The following TREM1 variants were observed in gnomAD, a reference collection of about 807,000 sequenced individuals.
TREM1 encodes the protein triggering receptor expressed on monocytes 1.
A neutral mutation model predicts 22.4 loss-of-function variants in TREM1; 16 were observed. The observed-to-expected ratio is 0.71, with a 90% CI of 0.48 to 1.08. The LOEUF is 1.08. Ranked by LOEUF, TREM1 falls within the 50% of genes least tolerant of loss-of-function variation. TREM1 has a pLI of 0.00. For synonymous variants in TREM1, 110 were observed against 111.6 expected (o/e 0.99, Z 0.09); for missense variants, 283 against 282.9 (o/e 1.00, Z 0.00).
chr6:41,272,524 A>G (rs1376799326), downstream of TREM1, among the ~76,000 whole-genome samples: 1 of 152,156 alleles, frequency 6.6e-6, no homozygotes, highest in Non-Finnish European at 1.5e-5. Flanking sequence ...AGTGTGGCAG[A>G]CATACACACC....
intron 3 of TREM1, chr6:41,279,829 A>G: frequency 6.1e-6 from 6 of 985,434 alleles, no homozygotes; most frequent in Non-Finnish European, 7.2e-6. Flanking sequence ...GACCATTGGT[A>G]GATGCTATTT....
chr6:41,270,052 T>C (rs571686991), downstream of TREM1: 1 of 152,260 alleles, frequency 6.6e-6, no homozygotes, highest in South Asian at 2.1e-4. Context: ...CCAGTTTAGG[T>C]CTTTGTTTCT....
chr6:41,282,641 C>T lies in TREM1; in HGVS notation c.160G>A (p.Ala54Thr), dbSNP rs1484279081. The change falls in exon 2 of 4, where the codon GCT becomes ACT. Residue 54 changes from alanine (A) to threonine (T), a missense_variant. By Grantham distance (58) the Ala-to-Thr change is moderately conservative. Coordinates refer to ENST00000244709, the MANE Select transcript of TREM1 (RefSeq NM_018643.5). Reference protein sequence around the residue: ...TLEKFASSQKAWQIIRDGEMP... With the variant: ...TLEKFASSQKTWQIIRDGEMP... ...TCTCCGTCCCTTATTATCTGCCAAG[C>T]TTTCTGGCTGCTGGCAAACTTCTCT... 1.2e-6 allele frequency: 2 copies of T among 1,614,206 alleles called. No homozygotes were observed. Among genetic ancestry groups the T allele is most frequent in the Non-Finnish European group, 1.7e-6 (2 of 1,180,036 alleles).
rs186658901 is a variant in TREM1 at position 41,278,353 on chromosome 6, C to A, written c.600-2123G>T. The stretch of plus-strand genomic sequence containing the variant: ...CGTCTCAGCTCTTCCATCACCTGGG[C>A]AAACAATTCCCTGCATTAAATTCCT... On this transcript the variant is annotated intron_variant, in intron 3 of 3. Coordinates refer to ENST00000244709, the MANE Select transcript of TREM1 (RefSeq NM_018643.5). 3.6e-3 allele frequency among the ~76,000 whole-genome samples: 543 copies of A among 152,080 alleles called. 4 individuals carry two copies. Among genetic ancestry groups the A allele is most frequent in the South Asian group, 0.013 (62 of 4,806 alleles).
At chr6:41,276,704 A>G (rs531856551) in intron 3 of TREM1, among the ~76,000 whole-genome samples, 3 of 152,160 alleles carry the variant, frequency 2.0e-5, no homozygotes, top group South Asian at 2.1e-4. Flanking sequence ...ATCAATAGGT[A>G]TCATAATAAA....
At chr6:41,278,843 G>A (rs947015260) in intron 3 of TREM1, among the ~76,000 whole-genome samples, 3 of 152,100 alleles carry the variant, frequency 2.0e-5, no homozygotes, top group Admixed American at 6.6e-5. Flanking sequence ...AGGCAGGAAC[G>A]TAAGACCAAT....
At position 41,282,684 on chromosome 6, in the gene TREM1, C is replaced by G. The variant is rs1168916284; in HGVS notation, c.117G>C (p.Val39=). 1.9e-6 allele frequency: 3 copies of G among 1,614,166 alleles called. 1 individual carries two copies. The Admixed American group carries it at 5.0e-5, about 27-fold the overall frequency. ...ACTTCTCTAGCGTGTAGTCACATTT[C>G]ACATCCAGGGTCTGCCCCTCTTTCA... ...YELKEGQTLD[V]KCDYTLEKFA... Residue 39 remains valine, a synonymous_variant, in exon 2 of 4, where the codon GTG becomes GTC. Coordinates refer to ENST00000244709, the MANE Select transcript of TREM1 (RefSeq NM_018643.5).
At chr6:41,268,915 G>A (rs1034541432), downstream of TREM1, among the ~76,000 whole-genome samples, 11 of 152,116 alleles carry the variant, frequency 7.2e-5, no homozygotes, top group Admixed American at 6.5e-4. Context: ...CTCAAGAACC[G>A]GGAAGTTATT....
In TREM1 at chr6:41,276,040, C is replaced by T; in HGVS notation, c.*85G>A. On this transcript the variant is annotated 3_prime_UTR_variant, in exon 4 of 4. Transcript: ENST00000244709. Reference sequence around the variant, plus strand: ...TTTAATTCATGTTATTAACTCCCTGCCTTTTACCTCCTCCCTCCTCCCTTG... The same window carrying T: ...TTTAATTCATGTTATTAACTCCCTGTCTTTTACCTCCTCCCTCCTCCCTTG... 2 of 982,628 alleles carry T rather than the reference C, an allele frequency of 2.0e-6. No individual in the cohort carries two copies. The highest frequency in any genetic ancestry group is 3.3e-6 in the Non-Finnish European group (2 of 608,522). 60.9% of individuals were successfully genotyped at this position (982,628 alleles called of 1,614,324 possible). A position where few individuals can be genotyped will look rare whatever the true frequency, so the allele number is the denominator to read the frequency against.
At chr6:41,281,374 A>G in intron 2 of TREM1, 1 of 532,456 alleles carries the variant, frequency 1.9e-6, no homozygotes, top group South Asian at 3.0e-5. Flanking sequence ...CCTGAGTCAG[A>G]AATCGAAAAA....
chr6:41,268,384 A>G (rs367917626), intron 3 of TREM1, among the ~76,000 whole-genome samples: 16 of 152,348 alleles, frequency 1.1e-4, no homozygotes, highest in African/African-American at 3.8e-4. Flanking sequence ...CTCATTTAAC[A>G]GTATGCGCTC....
chr6:41,278,852 A>G (rs921360850), intron 3 of TREM1, among the ~76,000 whole-genome samples: 1 of 152,166 alleles, frequency 6.6e-6, no homozygotes, highest in Non-Finnish European at 1.5e-5. Flanking sequence ...CGTAAGACCA[A>G]TTCATGCTGA....
At position 41,275,234 on chromosome 6, in the gene TREM1, T is replaced by C. The variant is rs6914090; in HGVS notation, c.*891A>G. 0.46 allele frequency: 69,304 copies of C among 151,842 alleles called. 16,080 individuals carry two copies. Among genetic ancestry groups the C allele is most frequent in the Middle Eastern group, 0.57 (168 of 296 alleles). 9.4% of individuals were successfully genotyped at this position (151,842 alleles called of 1,614,324 possible). A position where few individuals can be genotyped will look rare whatever the true frequency, so the allele number is the denominator to read the frequency against. Reference sequence around the variant, plus strand: ...AGCCTCCCAGGGGGAGAGCTTTTACTCCACCATCCCTGACCCTTGTGTGAT... The same window carrying C: ...AGCCTCCCAGGGGGAGAGCTTTTACCCCACCATCCCTGACCCTTGTGTGAT... On this transcript the variant is annotated 3_prime_UTR_variant, in exon 4 of 4. Coordinates refer to ENST00000244709, the MANE Select transcript of TREM1 (RefSeq NM_018643.5).
intron 3 of TREM1, among the ~76,000 whole-genome samples, chr6:41,268,284 G>A (rs1032699258): frequency 7.2e-5 from 11 of 152,206 alleles, no homozygotes; most frequent in Admixed American, 2.0e-4. Flanking sequence ...GAAGGAATAC[G>A]AAGCTGCTAT....
downstream of TREM1, among the ~76,000 whole-genome samples, chr6:41,272,627 G>T (rs1197330500): frequency 6.6e-6 from 1 of 152,044 alleles, no homozygotes; most frequent in Non-Finnish European, 1.5e-5. Context: ...TCTGAGGCAA[G>T]GAGTCCAAGT....
At chr6:41,269,983 AC>A (rs758712441), downstream of TREM1, 1 of 152,238 alleles carries the variant, frequency 6.6e-6, no homozygotes, top group Non-Finnish European at 1.5e-5. Flanking sequence ...CCCTATCACC[AC>A]GACCCTGATT....
At chr6:41,282,080 C>T (rs767806419) in intron 2 of TREM1, 12 of 295,378 alleles carry the variant, frequency 4.1e-5, no homozygotes, top group South Asian at 5.8e-5. Context: ...TGCCACCAAA[C>T]GCATCCTTGG....
chr6:41,269,388 T>C (rs1487633365), downstream of TREM1, among the ~76,000 whole-genome samples: 1 of 152,220 alleles, frequency 6.6e-6, no homozygotes, highest in Non-Finnish European at 1.5e-5. Flanking sequence ...GCCCATTTCA[T>C]TGATTCACCA....
chr6:41,282,142 A>ATTATCCC, intron 2 of TREM1: 1 of 437,200 alleles, frequency 2.3e-6, no homozygotes, highest in Non-Finnish European at 4.1e-6. Context: ...ATGGGACTAA[A>ATTATCCC]TTATCCCAAA....
Sources: allele counts gnomAD v4.1 joint callset (sites outside exome capture counted in the v4.1 genomes callset), GRCh38; gene constraint gnomAD v4.1.1; transcripts MANE v1.5; gene names NCBI Gene and HGNC (gene_info 2026-07-23, HGNC 2026-07-21).